CMPK1: variants seen among roughly 807,000 people sequenced by gnomAD.
The protein encoded by CMPK1 is UMP-CMP kinase.
In CMPK1, 10 loss-of-function variants were observed where a neutral mutation model predicts 25.7. The observed-to-expected ratio is 0.39, with a 90% CI of 0.24 to 0.66. CMPK1 has a LOEUF of 0.66. CMPK1 is among the 30% of genes least tolerant of loss of function. CMPK1 has a pLI of 0.48. For synonymous variants in CMPK1, 106 were observed against 101.5 expected (o/e 1.04, Z -0.27); for missense variants, 199 against 280.5 (o/e 0.71, Z 2.08).
At chr1:47,352,640 G>A (rs1646531174) in intron 1 of CMPK1, among the ~76,000 whole-genome samples, 1 of 152,076 alleles carries the variant, frequency 6.6e-6, no homozygotes, top group African/African-American at 2.4e-5. Flanking sequence ...CACCTATTTT[G>A]TAAATGGTTT....
chr1:47,334,283 C>A (rs1438872583), intron 1 of CMPK1, among the ~76,000 whole-genome samples, 167 bp downstream of exon 1: 1 of 151,768 alleles, frequency 6.6e-6, no homozygotes, highest in East Asian at 1.9e-4. Flanking sequence ...CGGCGCGCGG[C>A]GTGCCGGGAC....
chr1:47,359,610 A>C (rs1646588324), intron 1 of CMPK1, among the ~76,000 whole-genome samples: 1 of 151,734 alleles, frequency 6.6e-6, no homozygotes, highest in African/African-American at 2.4e-5. Flanking sequence ...GCTGGTGTCG[A>C]ACTCCTGACC....
chr1:47,346,742 G>C (rs1646487547), intron 1 of CMPK1, among the ~76,000 whole-genome samples: 1 of 152,012 alleles, frequency 6.6e-6, no homozygotes, highest in South Asian at 2.1e-4. Flanking sequence ...GACCTCAGGT[G>C]ATTGCCTGCC....
rs1646372811 is a variant in CMPK1 at position 47,333,863 on chromosome 1, C to A, written c.-83C>A. 4 of 1,002,120 alleles carry A rather than the reference C, an allele frequency of 4.0e-6. No homozygotes were observed. The highest frequency in any genetic ancestry group is 4.6e-5 in the South Asian group (1 of 21,544). 62.1% of individuals were successfully genotyped at this position (1,002,120 alleles called of 1,614,324 possible). ...GCGGCGGGCGCCGGCTCAGCCCGCC[C>A]CTTTCTCCCGCCGCCTCCCCGCCCC... On this transcript the variant is annotated 5_prime_UTR_variant, in exon 1 of 6. Coordinates refer to ENST00000371873, the MANE Select transcript of CMPK1 (RefSeq NM_016308.3).
intron 1 of CMPK1, among the ~76,000 whole-genome samples, chr1:47,350,027 A>T (rs1646512007): frequency 6.6e-6 from 1 of 152,148 alleles, no homozygotes; most frequent in South Asian, 2.1e-4. Context: ...GCTGGTCTAA[A>T]ACTCCTGACC....
chr1:47,349,552 C>A (rs147358148), intron 1 of CMPK1, among the ~76,000 whole-genome samples: 1 of 152,154 alleles, frequency 6.6e-6, no homozygotes, highest in African/African-American at 2.4e-5. Context: ...TATTCTGTAG[C>A]GTACGAGTTG....
intron 1 of CMPK1, among the ~76,000 whole-genome samples, chr1:47,347,013 C>A (rs1485790065): frequency 1.3e-5 from 2 of 151,172 alleles, no homozygotes; most frequent in East Asian, 2.0e-4. Context: ...GAACTCCTAA[C>A]CTCAGATGAT....
At chr1:47,341,604 T>G (rs1214942974) in intron 1 of CMPK1, among the ~76,000 whole-genome samples, 1 of 152,098 alleles carries the variant, frequency 6.6e-6, no homozygotes, top group Non-Finnish European at 1.5e-5. Flanking sequence ...AATGGACTAA[T>G]AGAGTCTACT....
intron 2 of CMPK1, among the ~76,000 whole-genome samples, chr1:47,369,154 C>T (rs933844035): frequency 1.3e-5 from 2 of 152,130 alleles, no homozygotes; most frequent in Non-Finnish European, 1.5e-5. Context: ...CAGGTGCATG[C>T]CACCACACCT....
intron 2 of CMPK1, 21 bp from the exon 3 acceptor site, chr1:47,372,934 T>C (rs1646686377): frequency 6.3e-7 from 1 of 1,597,160 alleles, no homozygotes; most frequent in South Asian, 1.1e-5. Context: ...GTATTGAACC[T>C]AAATCTTCTT....
At chr1:47,347,512 A>G (rs1482204890) in intron 1 of CMPK1, among the ~76,000 whole-genome samples, 1 of 152,218 alleles carries the variant, frequency 6.6e-6, no homozygotes, top group East Asian at 1.9e-4. Flanking sequence ...CCTGTCCCAC[A>G]TTAATTTTCA....
chr1:47,365,793 C>G (rs557294124), intron 1 of CMPK1, among the ~76,000 whole-genome samples: 7 of 151,938 alleles, frequency 4.6e-5, no homozygotes, highest in African/African-American at 1.7e-4. Flanking sequence ...GTGCATGATC[C>G]GTAAAGGTTA....
rs1212600792 is a variant in CMPK1, at chr1:47,338,172, G to A, written c.171+4056G>A. 2.6e-5 allele frequency among the ~76,000 whole-genome samples: 4 copies of A among 152,056 alleles called. No homozygotes were observed. The South Asian group carries it at 8.3e-4, about 31-fold the overall frequency. On this transcript the variant is annotated intron_variant, in intron 1 of 5. Coordinates refer to ENST00000371873, the MANE Select transcript of CMPK1 (RefSeq NM_016308.3). ...TGTTGATTTCCAACTCAGGCTGCCA[G>A]AAGTACATATTTGAGTCCTAGCTAC... is the stretch of plus-strand genomic sequence containing the variant.
At chr1:47,363,475 A>T (rs774209182) in intron 1 of CMPK1, among the ~76,000 whole-genome samples, 5 of 151,970 alleles carry the variant, frequency 3.3e-5, no homozygotes, top group African/African-American at 4.8e-5. Context: ...CATACAAAAA[A>T]ATTTGCTGCG....
In CMPK1 at chr1:47,334,197, C is replaced by T. The variant is rs1006947993; in HGVS notation, c.171+81C>T. 35 of 1,188,258 alleles carry T rather than the reference C, an allele frequency of 2.9e-5. No homozygotes were observed. In the East Asian group the frequency reaches 7.8e-4, roughly 26 times the overall value. 73.6% of individuals were successfully genotyped at this position (1,188,258 alleles called of 1,614,324 possible). On this transcript the variant is annotated intron_variant, in intron 1 of 5. Transcript: ENST00000371873. Reference sequence around the variant, plus strand: ...TGTCCCGCCGCCCCTAGTCCGCGCCCCGCGGAGTCGCCGAGCCGCAGACTA... The same window carrying T: ...TGTCCCGCCGCCCCTAGTCCGCGCCTCGCGGAGTCGCCGAGCCGCAGACTA...
intron 1 of CMPK1, among the ~76,000 whole-genome samples, chr1:47,363,193 T>C (rs1447554640): frequency 1.3e-5 from 2 of 152,226 alleles, no homozygotes; most frequent in Non-Finnish European, 2.9e-5. Flanking sequence ...ATTTTCAGTT[T>C]ACGATGGATT....
At chr1:47,349,625 G>A (rs567475948) in intron 1 of CMPK1, among the ~76,000 whole-genome samples, 2 of 152,242 alleles carry the variant, frequency 1.3e-5, no homozygotes, top group South Asian at 2.1e-4. Context: ...ACTTCACAGT[G>A]GTAACATTGC....
intron 1 of CMPK1, among the ~76,000 whole-genome samples, chr1:47,346,928 C>T (rs529224713): frequency 2.3e-4 from 35 of 150,630 alleles, no homozygotes; most frequent in African/African-American, 8.5e-4. Flanking sequence ...GGATTACAGG[C>T]GCCCGCCACC....
intron 1 of CMPK1, among the ~76,000 whole-genome samples, chr1:47,346,800 GC>G (rs750213182): frequency 2.6e-5 from 4 of 151,842 alleles, no homozygotes. Flanking sequence ...ACCGTGCCCG[GC>G]CCGTTTGTTT....
Sources: allele counts gnomAD v4.1 joint callset (sites outside exome capture counted in the v4.1 genomes callset), GRCh38; gene constraint gnomAD v4.1.1; transcripts MANE v1.5; gene names NCBI Gene and HGNC (gene_info 2026-07-23, HGNC 2026-07-21).